The following CACNA2D2 variants were observed in gnomAD, a reference collection of about 807,000 sequenced individuals.
CACNA2D2 encodes the protein voltage-dependent calcium channel subunit alpha-2/delta-2.
A neutral mutation model predicts 166.4 loss-of-function variants in CACNA2D2; 48 were observed. That is an observed-to-expected ratio of 0.29 (90% CI 0.23 to 0.37). The LOEUF (loss-of-function observed/expected upper bound fraction) is 0.37. CACNA2D2 is among the 10% of genes least tolerant of loss of function. The pLI is 1.00. For missense variants in CACNA2D2, 1,122 were observed against 1,433.0 expected, an observed-to-expected ratio of 0.78 and a Z score of 3.50; for synonymous variants, 561 against 573.7, an observed-to-expected ratio of 0.98 and a Z score of 0.32.
intron 2 of CACNA2D2, among the ~76,000 whole-genome samples, chr3:50,438,908 G>A (rs1326282450): frequency 6.6e-6 from 1 of 152,234 alleles, no homozygotes; most frequent in Non-Finnish European, 1.5e-5. Flanking sequence ...TTTGCCCCGA[G>A]TGTTAGCTCT....
chr3:50,447,818 G>A (rs1371333310), intron 2 of CACNA2D2, among the ~76,000 whole-genome samples: 1 of 152,098 alleles, frequency 6.6e-6, no homozygotes, highest in African/African-American at 2.4e-5. Context: ...CAGAGCCTGG[G>A]GAACTCTGAC....
intron 2 of CACNA2D2, among the ~76,000 whole-genome samples, 191 bp from the exon 3 acceptor site, chr3:50,434,620 C>T (rs1320217864): frequency 6.6e-6 from 1 of 152,344 alleles, no homozygotes. Flanking sequence ...AGGCCAGGGG[C>T]TCCGTAGCTT....
intron 23 of CACNA2D2, among the ~76,000 whole-genome samples, chr3:50,369,535 C>T (rs964967828): frequency 6.6e-6 from 1 of 152,238 alleles, no homozygotes; most frequent in African/African-American, 2.4e-5. Context: ...CGTGCACACA[C>T]GAAGGTGAGG....
rs1055714163 is a variant in CACNA2D2, at chr3:50,380,687, C to A, written c.842+61G>T. Reference sequence around the variant, plus strand: ...GCTTGGAAATGGGGAGGGAGGGGAGCAGGCAGGAAAGGTGGGGAACTGAGG... The same window carrying A: ...GCTTGGAAATGGGGAGGGAGGGGAGAAGGCAGGAAAGGTGGGGAACTGAGG... On this transcript the variant is annotated intron_variant, in intron 8 of 37. Coordinates refer to ENST00000424201, the MANE Select transcript of CACNA2D2 (RefSeq NM_006030.4). This position sits in a 1 kb window ranked among gnomAD's most constrained non-coding sequence, Gnocchi z 4.9. The A allele has an allele frequency of 9.2e-6, 12 of 1,309,128 alleles. No homozygotes were observed. The highest frequency in any genetic ancestry group is 1.1e-5 in the Non-Finnish European group (11 of 974,378). 81.1% of individuals were successfully genotyped at this position (1,309,128 alleles called of 1,614,324 possible).
In CACNA2D2 at chr3:50,364,572, G is replaced by A. The variant is rs1704104740; in HGVS notation, c.*94C>T. 3.6e-6 allele frequency: 5 copies of A among 1,379,542 alleles called. No individual in the cohort carries two copies. In the South Asian group the frequency reaches 6.0e-5, roughly 16 times the overall value. 85.5% of individuals were successfully genotyped at this position (1,379,542 alleles called of 1,614,324 possible). On this transcript the variant is annotated 3_prime_UTR_variant, in exon 38 of 38. Transcript: ENST00000424201. ...AGCTCAGGTCCTTCAGTGAGGGAGGGACGAGGCTCTAAGGCGGGGAGTGTG... is the reference window on the plus strand; with the variant it reads ...AGCTCAGGTCCTTCAGTGAGGGAGGAACGAGGCTCTAAGGCGGGGAGTGTG...
intron 1 of CACNA2D2, among the ~76,000 whole-genome samples, chr3:50,495,494 C>T (rs1698689261): frequency 6.6e-6 from 1 of 152,210 alleles, no homozygotes; most frequent in African/African-American, 2.4e-5. Flanking sequence ...CACTGGACAG[C>T]CTTATTTATG....
intron 2 of CACNA2D2, among the ~76,000 whole-genome samples, chr3:50,441,083 T>G (rs1575690574): frequency 6.6e-6 from 1 of 150,496 alleles, no homozygotes; most frequent in African/African-American, 2.5e-5. Flanking sequence ...GGAGACAGGG[T>G]GTGAGGGCAA....
chr3:50,377,018 C>T (rs1705031558), intron 17 of CACNA2D2, among the ~76,000 whole-genome samples: 1 of 152,208 alleles, frequency 6.6e-6, no homozygotes. Context: ...TGGCCTGCTG[C>T]CCATTACTAT....
Position 50,376,724 on chromosome 3 carries a change from G to T in CACNA2D2, c.1627-536C>A, listed in dbSNP as rs757795462. On this transcript the variant is annotated intron_variant, in intron 17 of 37. Coordinates refer to ENST00000424201, the MANE Select transcript of CACNA2D2 (RefSeq NM_006030.4). This position sits in a 1 kb window ranked among gnomAD's most constrained non-coding sequence, Gnocchi z 4.3. Reference sequence around the variant, plus strand: ...TTCTTACTGTACCTGGAGGCCAACTGCCACAGCCCCTGCCCACTCAGGGCC... The same window carrying T: ...TTCTTACTGTACCTGGAGGCCAACTTCCACAGCCCCTGCCCACTCAGGGCC... Among the ~76,000 whole-genome samples the T allele has an allele frequency of 9.1e-4, 138 of 152,282 alleles. No homozygotes were observed. In the Middle Eastern group the frequency reaches 0.014, roughly 15 times the overall value.
intron 2 of CACNA2D2, among the ~76,000 whole-genome samples, chr3:50,454,898 C>G (rs1575713541): frequency 6.6e-6 from 1 of 152,178 alleles, no homozygotes; most frequent in Admixed American, 6.5e-5. Context: ...ACACTGCCTG[C>G]TGCACTGGTA....
chr3:50,494,316 T>C (rs1239973148), intron 1 of CACNA2D2, among the ~76,000 whole-genome samples: 1 of 152,140 alleles, frequency 6.6e-6, no homozygotes, highest in African/African-American at 2.4e-5. Flanking sequence ...AGACCTGACC[T>C]TTAAGGCTTC....
chr3:50,369,492 G>A (rs191128416), intron 23 of CACNA2D2, among the ~76,000 whole-genome samples: 8 of 152,342 alleles, frequency 5.3e-5, no homozygotes, highest in Admixed American at 5.2e-4. Context: ...CATCTACAGA[G>A]AGAGTCACAG....
intron 3 of CACNA2D2, among the ~76,000 whole-genome samples, chr3:50,411,684 C>A (rs563533314): frequency 6.6e-6 from 1 of 152,224 alleles, no homozygotes; most frequent in Non-Finnish European, 1.5e-5. Flanking sequence ...TCCAAGTCCA[C>A]AAACCTGGCA....
intron 3 of CACNA2D2, among the ~76,000 whole-genome samples, chr3:50,422,527 C>T (rs1239257544): frequency 6.6e-6 from 1 of 152,218 alleles, no homozygotes; most frequent in Non-Finnish European, 1.5e-5. Flanking sequence ...CAAGCCCCCT[C>T]CTGGAGCAAA....
intron 23 of CACNA2D2, among the ~76,000 whole-genome samples, 158 bp downstream of exon 23, chr3:50,370,162 G>A (rs1048758652): frequency 6.6e-5 from 10 of 152,282 alleles, no homozygotes; most frequent in South Asian, 2.1e-4. Flanking sequence ...ACATGGCCTG[G>A]GTATGCACAC....
intron 2 of CACNA2D2, among the ~76,000 whole-genome samples, chr3:50,450,233 C>CG: frequency 6.6e-6 from 1 of 152,162 alleles, no homozygotes; most frequent in Non-Finnish European, 1.5e-5. Flanking sequence ...GACAGCGGAT[C>CG]GGCCTGGCTC....
At chr3:50,452,562 C>G (rs1397725024) in intron 2 of CACNA2D2, among the ~76,000 whole-genome samples, 1 of 152,162 alleles carries the variant, frequency 6.6e-6, no homozygotes, top group Non-Finnish European at 1.5e-5. Flanking sequence ...GTCAGACAGG[C>G]TCAGGGAAGT....
rs377682527 is a variant in CACNA2D2 at position 50,387,545 on chromosome 3, G to A, written c.510+23C>T. 43 of 1,608,840 alleles carry A rather than the reference G, an allele frequency of 2.7e-5. No homozygotes were observed. The African/African-American group carries it at 4.1e-4, about 16-fold the overall frequency. On this transcript the variant is annotated intron_variant, in intron 5 of 37. Transcript: ENST00000424201. ...GGCCACCAAGGCCCAGCAAGGAGGTGTGGCTCAGGAGGGGGTGCTCACCAG... is the reference window on the plus strand; with the variant it reads ...GGCCACCAAGGCCCAGCAAGGAGGTATGGCTCAGGAGGGGGTGCTCACCAG...
At chr3:50,461,464 G>A (rs542835623) in intron 2 of CACNA2D2, among the ~76,000 whole-genome samples, 2 of 152,292 alleles carry the variant, frequency 1.3e-5, no homozygotes, top group South Asian at 2.1e-4. Context: ...TCAGCTGGGC[G>A]TGGTGGCTCA....
Sources: gnomAD v4.1 joint callset for allele counts (sites outside exome capture counted in the v4.1 genomes callset) on GRCh38, gnomAD v4.1.1 for gene constraint, Gnocchi (gnomAD v3.1) non-coding constraint, MANE v1.5 for transcripts, NCBI Gene and HGNC (gene_info 2026-07-23, HGNC 2026-07-21) for gene names.